Variants in COL5A1 observed in about 807,000 individuals in gnomAD.
COL5A1 encodes the protein collagen type V alpha 1 chain.
A neutral mutation model predicts 263.7 loss-of-function variants in COL5A1; 16 were observed. That is an observed-to-expected ratio of 0.06 (90% confidence interval 0.04 to 0.09). The LOEUF (loss-of-function observed/expected upper bound fraction) is 0.09, where lower values mean the gene tolerates loss of function less well. Among genes scored for constraint, COL5A1 ranks in the 10% least tolerant of loss-of-function variants. COL5A1 has a pLI of 1.00. For missense variants in COL5A1, 2,036 were observed against 2,540.5 expected (o/e 0.80, Z 4.27); for synonymous variants, 1,012 against 1,004.5 (o/e 1.01, Z -0.14).
chr9:134,661,633 C>G (rs1390256567), intron 1 of COL5A1, among the ~76,000 whole-genome samples: 1 of 152,092 alleles, frequency 6.6e-6, no homozygotes, highest in Non-Finnish European at 1.5e-5. Context: ...ACCCATACCC[C>G]CCTCCCCATG....
intron 11 of COL5A1, among the ~76,000 whole-genome samples, chr9:134,744,431 G>C (rs113711952): frequency 0.032 from 4,752 of 150,174 alleles, 241 homozygotes; most frequent in African/African-American, 0.1. Context: ...ACCCACACAC[G>C]CACACACTCA....
Position 134,841,701 on chromosome 9 carries a change from A to T in COL5A1, c.5371-456A>T, listed in dbSNP as rs188047788. Among the ~76,000 whole-genome samples the T allele has an allele frequency of 9.7e-4, 146 of 151,086 alleles. No homozygotes were observed. Among genetic ancestry groups the T allele is most frequent in the African/African-American group, 3.4e-3 (141 of 41,042 alleles). The stretch of plus-strand genomic sequence containing the variant: ...CAAGGCTCTGCCGGTGCCGCCTCGG[A>T]CTCCTTCCTTTTCGAACCTGGAGCC... On this transcript the variant is annotated intron_variant, in intron 65 of 65. Coordinates refer to ENST00000371817, the MANE Select transcript of COL5A1 (RefSeq NM_000093.5). This position sits in a 1 kb window ranked among gnomAD's most constrained non-coding sequence, Gnocchi z 4.8.
chr9:134,822,905 C>T (rs774621552), intron 59 of COL5A1, 93 bp from the exon 60 acceptor site: 315 of 1,407,508 alleles, frequency 2.2e-4, no homozygotes, highest in Middle Eastern at 9.4e-4. Flanking sequence ...GGGAGAGGGG[C>T]GAGGGGCGAG....
chr9:134,761,819 G>A, intron 18 of COL5A1, 106 bp from the exon 19 acceptor site: 2 of 1,144,104 alleles, frequency 1.7e-6, no homozygotes, highest in Non-Finnish European at 2.7e-6. Context: ...TCTTTTGAGA[G>A]CTTGGGAATC....
At position 134,696,675 on chromosome 9, in the gene COL5A1, C is replaced by T. The variant is rs935240745; in HGVS notation, c.278-3234C>T. On this transcript the variant is annotated intron_variant, in intron 2 of 65. Coordinates refer to ENST00000371817, the MANE Select transcript of COL5A1 (RefSeq NM_000093.5). This position sits in a 1 kb window ranked among gnomAD's most constrained non-coding sequence, Gnocchi z 4.3. ...AGTGAGCAATCGGTATGCTTAGTAA[C>T]TGTCGGCTCAGTATGATTTAGTTTC... Among the ~76,000 whole-genome samples, 1 of 152,228 alleles carries T rather than the reference C, an allele frequency of 6.6e-6. No individual in the cohort carries two copies. Among genetic ancestry groups the T allele is most frequent in the Non-Finnish European group, 1.5e-5 (1 of 68,048 alleles).
In COL5A1 at chr9:134,824,589, C is replaced by T; in HGVS notation, c.4699-11C>T. The T allele has an allele frequency of 1.9e-6, 3 of 1,613,842 alleles. No individual in the cohort carries two copies. The highest frequency in any genetic ancestry group is 1.3e-5 in the African/African-American group (1 of 75,060). On this transcript the variant is annotated splice_polypyrimidine_tract_variant and intron_variant, in intron 61 of 65. Transcript: ENST00000371817. ...TCCATCACCCACCGCTGCTCCTGTT[C>T]TGTCCCCCAGGGCCCCCCGGGAGAG...
intron 1 of COL5A1, among the ~76,000 whole-genome samples, chr9:134,651,130 A>G (rs963103700): frequency 1.1e-4 from 16 of 152,248 alleles, no homozygotes; most frequent in African/African-American, 3.9e-4. Flanking sequence ...GCCCCAGGCA[A>G]CAGTGCGTAC....
intron 64 of COL5A1, among the ~76,000 whole-genome samples, chr9:134,833,624 C>T (rs1839734320): frequency 6.6e-6 from 1 of 152,132 alleles, no homozygotes; most frequent in South Asian, 2.1e-4. Context: ...CCTGTGCCTC[C>T]AGGAGGATCC....
intron 14 of COL5A1, 77 bp from the exon 15 acceptor site, chr9:134,753,773 C>T: frequency 2.4e-6 from 2 of 821,080 alleles, no homozygotes; most frequent in Non-Finnish European, 4.1e-6. Context: ...CCTGCCCCTC[C>T]CCTGCCACCC....
At chr9:134,829,446 A>C (rs866610421) in intron 63 of COL5A1, among the ~76,000 whole-genome samples, 47 of 89,406 alleles carry the variant, frequency 5.3e-4, no homozygotes, top group African/African-American at 1.5e-3. Flanking sequence ...GGCCAGGCTC[A>C]TCCTCACGCG....
At chr9:134,801,622 A>T (rs544899509) in intron 37 of COL5A1, among the ~76,000 whole-genome samples, 1 of 152,258 alleles carries the variant, frequency 6.6e-6, no homozygotes, top group East Asian at 1.9e-4. Flanking sequence ...TCCTGTCTCT[A>T]CTAAAAATAC....
At chr9:134,690,779 C>T (rs1564390262) in intron 1 of COL5A1, 133 bp from the exon 2 acceptor site, 1 of 1,119,384 alleles carries the variant, frequency 8.9e-7, no homozygotes, top group East Asian at 2.5e-5. Context: ...CTAAGCTGGT[C>T]CTGGGGCTCT....
intron 57 of COL5A1, among the ~76,000 whole-genome samples, chr9:134,819,668 T>C (rs888985739): frequency 3.3e-5 from 5 of 152,216 alleles, no homozygotes; most frequent in Non-Finnish European, 7.3e-5. Flanking sequence ...GCGAGTGTCA[T>C]GGATTCTTCT....
intron 37 of COL5A1, 80 bp downstream of exon 37, chr9:134,798,541 G>A: frequency 2.9e-6 from 4 of 1,383,814 alleles, no homozygotes; most frequent in Non-Finnish European, 4.1e-6. Context: ...TCGCTGCCCA[G>A]CGCCATCTAG....
Position 134,782,654 on chromosome 9 carries a change from G to C in COL5A1, c.2431-13G>C. 3 of 1,613,786 alleles carry C rather than the reference G, an allele frequency of 1.9e-6. 1 individual carries two copies. In the South Asian group the frequency reaches 3.3e-5, roughly 18 times the overall value. On this transcript the variant is annotated splice_polypyrimidine_tract_variant and intron_variant, in intron 28 of 65. Transcript: ENST00000371817. ...CTTGCCTAGACTAGGGCACTCTCTT[G>C]TCCCATATTCAGGGTGAAGACGGCT... is the stretch of plus-strand genomic sequence containing the variant.
At position 134,794,760 on chromosome 9, in the gene COL5A1, G is replaced by A. The variant is rs1174478582; in HGVS notation, c.2701-322G>A. On this transcript the variant is annotated intron_variant, in intron 32 of 65. Coordinates refer to ENST00000371817, the MANE Select transcript of COL5A1 (RefSeq NM_000093.5). The surrounding 1 kb of genome is among the most constrained non-coding windows in gnomAD (Gnocchi z 4.3). ...GAGAGATGAGGAGGAGGGGAAGGAG[G>A]GAGGAAGGAGGAGGAGGGATGTAGC... Among the ~76,000 whole-genome samples the A allele has an allele frequency of 1.3e-5, 2 of 152,148 alleles. No individual in the cohort carries two copies. The highest frequency in any genetic ancestry group is 3.8e-4 in the East Asian group (2 of 5,204).
rs147904867 is a variant in COL5A1, at chr9:134,823,469, G to A, written c.4698G>A (p.Pro1566=). The change falls in exon 61 of 66, where the codon CCG becomes CCA. Residue 1566 remains proline, a splice_region_variant and synonymous_variant. Transcript: ENST00000371817. ...GCCACCCAGGACCCCCAGGCCCCCCGGTAAGTAGCCCTTGAAGCCCAGAAA... is the reference window on the plus strand; with the variant it reads ...GCCACCCAGGACCCCCAGGCCCCCCAGTAAGTAGCCCTTGAAGCCCAGAAA... ...EAGHPGPPGP[P]GPPGEVIQPL... 7.6e-5 allele frequency: 122 copies of A among 1,614,024 alleles called. No individual in the cohort carries two copies. The highest frequency in any genetic ancestry group is 9.4e-5 in the Non-Finnish European group (111 of 1,179,980).
rs10858268 is a variant in COL5A1, at chr9:134,690,641, C to T, written c.110-271C>T. 0.6 allele frequency among the ~76,000 whole-genome samples: 91,104 copies of T among 151,908 alleles called. 29,643 individuals are homozygous for T. Among genetic ancestry groups the T allele is most frequent in the South Asian group, 0.75 (3,630 of 4,818 alleles). On this transcript the variant is annotated intron_variant, in intron 1 of 65. Coordinates refer to ENST00000371817, the MANE Select transcript of COL5A1 (RefSeq NM_000093.5). ...CCCGGGTCTGCCCCTGGTGTGTGGC[C>T]GCTGGTGGGGACAGGGATGGGACCC...
At chr9:134,694,845 G>T (rs1833404699) in intron 2 of COL5A1, among the ~76,000 whole-genome samples, 1 of 152,254 alleles carries the variant, frequency 6.6e-6, no homozygotes, top group East Asian at 1.9e-4. Flanking sequence ...TCGCCTCACG[G>T]TGAGGTGGCC....
Sources: gnomAD v4.1 joint callset for allele counts (sites outside exome capture counted in the v4.1 genomes callset) on GRCh38, gnomAD v4.1.1 for gene constraint, Gnocchi (gnomAD v3.1) non-coding constraint, MANE v1.5 for transcripts, NCBI Gene and HGNC (gene_info 2026-07-23, HGNC 2026-07-21) for gene names.